CPPED1: variants seen among roughly 807,000 people sequenced by gnomAD.
CPPED1 encodes the protein calcineurin like phosphoesterase domain containing 1, also known as serine/threonine-protein phosphatase CPPED1.
A neutral mutation model predicts 28.0 loss-of-function variants in CPPED1; 28 were observed. That is an observed-to-expected ratio of 1.00 (90% CI 0.74 to 1.37). The LOEUF (loss-of-function observed/expected upper bound fraction) is 1.37, where lower values mean the gene tolerates loss of function less well. Among genes scored for constraint, CPPED1 ranks in the 40% most tolerant of loss-of-function variants. The pLI is 0.00. For synonymous variants in CPPED1, 198 were observed against 180.2 expected (o/e 1.10, Z -0.79); for missense variants, 504 against 416.5 (o/e 1.21, Z -1.83).
chr16:12,785,426 C>CT (rs796796663), intron 1 of CPPED1, among the ~76,000 whole-genome samples: 6,148 of 124,688 alleles, frequency 0.049, 420 homozygotes, highest in African/African-American at 0.15. Context: ...AACGTGAATT[C>CT]TTTTTTTTTT....
At chr16:12,708,323 T>C (rs2080062417) in intron 2 of CPPED1, among the ~76,000 whole-genome samples, 1 of 152,134 alleles carries the variant, frequency 6.6e-6, no homozygotes. Context: ...GGTAAGTCCC[T>C]TGGTTCCTCT....
chr16:12,803,866 T>G lies in CPPED1; in HGVS notation c.-90A>C, dbSNP rs2080677503. On this transcript the variant is annotated 5_prime_UTR_variant, in exon 1 of 4. Transcript: ENST00000381774. ...GAACAACCGCTGGACCTGTCCCGCTTTGGGCGACGCCCTTTGATCTCGGGG... is the reference window on the plus strand; with the variant it reads ...GAACAACCGCTGGACCTGTCCCGCTGTGGGCGACGCCCTTTGATCTCGGGG... 1.3e-5 allele frequency: 17 copies of G among 1,274,104 alleles called. No individual in the cohort carries two copies. In the South Asian group the frequency reaches 2.2e-4, roughly 16 times the overall value. The allele number at this position is 1,274,104 out of a possible 1,614,324, so 78.9% of individuals were successfully genotyped here. A position where few individuals can be genotyped will look rare whatever the true frequency, so the allele number is the denominator to read the frequency against.
At chr16:12,793,037 A>G (rs2080606082) in intron 1 of CPPED1, among the ~76,000 whole-genome samples, 1 of 152,144 alleles carries the variant, frequency 6.6e-6, no homozygotes, top group Non-Finnish European at 1.5e-5. Flanking sequence ...CCCTGTAGGC[A>G]GATGCAGCTT....
intron 3 of CPPED1, among the ~76,000 whole-genome samples, chr16:12,687,969 G>A (rs2079941831): frequency 6.6e-6 from 1 of 151,130 alleles, no homozygotes; most frequent in Non-Finnish European, 1.5e-5. Context: ...GGAAGAAGAA[G>A]GAGGAATGGA....
intron 1 of CPPED1, among the ~76,000 whole-genome samples, chr16:12,790,560 A>G (rs1233033764): frequency 6.6e-6 from 1 of 152,212 alleles, no homozygotes; most frequent in Non-Finnish European, 1.5e-5. Context: ...TGTTACTTGT[A>G]TGCAACCTCA....
intron 2 of CPPED1, chr16:12,757,703 A>T (rs1234604751): frequency 1.4e-5 from 2 of 141,450 alleles, no homozygotes; most frequent in Admixed American, 1.6e-4. Context: ...CATGCCTTTC[A>T]GACAATCTGC....
chr16:12,730,980 A>G (rs1038363739), intron 2 of CPPED1, among the ~76,000 whole-genome samples: 1 of 152,226 alleles, frequency 6.6e-6, no homozygotes, highest in East Asian at 1.9e-4. Flanking sequence ...TTGAAACTGC[A>G]TGAAGCTTGA....
chr16:12,686,637 G>A (rs1040081343), intron 3 of CPPED1, among the ~76,000 whole-genome samples: 1 of 152,216 alleles, frequency 6.6e-6, no homozygotes, highest in Non-Finnish European at 1.5e-5. Flanking sequence ...CATCAGAGAG[G>A]GGAGGATGCT....
intron 3 of CPPED1, among the ~76,000 whole-genome samples, chr16:12,702,509 G>A (rs987107180): frequency 2.0e-5 from 3 of 152,136 alleles, no homozygotes; most frequent in African/African-American, 7.2e-5. Context: ...CTGCACGCCA[G>A]CCTGGGTGAC....
intron 3 of CPPED1, among the ~76,000 whole-genome samples, chr16:12,695,174 T>G (rs543896529): frequency 6.3e-4 from 96 of 152,370 alleles, no homozygotes; most frequent in African/African-American, 2.2e-3. Context: ...ACTATGAAAT[T>G]ATACATTCAA....
intron 2 of CPPED1, chr16:12,753,465 A>G (rs1305486769): frequency 6.6e-6 from 1 of 152,380 alleles, no homozygotes; most frequent in African/African-American, 2.4e-5. Context: ...GCAGCAGCAG[A>G]GAACAGAAGG....
At chr16:12,739,677 C>T (rs2080244250) in intron 2 of CPPED1, among the ~76,000 whole-genome samples, 1 of 152,160 alleles carries the variant, frequency 6.6e-6, no homozygotes, top group Non-Finnish European at 1.5e-5. Context: ...CCTCCTTTTT[C>T]TCCCATTTTT....
At chr16:12,743,360 A>C (rs1024250421) in intron 2 of CPPED1, among the ~76,000 whole-genome samples, 5 of 152,208 alleles carry the variant, frequency 3.3e-5, no homozygotes, top group African/African-American at 1.2e-4. Flanking sequence ...TTAAATATAA[A>C]ACACCTTTTC....
chr16:12,708,946 G>A (rs2080065653), intron 2 of CPPED1, among the ~76,000 whole-genome samples: 1 of 152,206 alleles, frequency 6.6e-6, no homozygotes, highest in African/African-American at 2.4e-5. Context: ...TGGGCATGGT[G>A]GCATGGGCCT....
At chr16:12,775,737 A>C (rs1287925431) in intron 2 of CPPED1, among the ~76,000 whole-genome samples, 1 of 152,204 alleles carries the variant, frequency 6.6e-6, no homozygotes, top group Non-Finnish European at 1.5e-5. Flanking sequence ...GAAGCGCACA[A>C]GGTTTGGAAA....
At chr16:12,737,834 T>C (rs1366500488) in intron 2 of CPPED1, among the ~76,000 whole-genome samples, 1 of 152,020 alleles carries the variant, frequency 6.6e-6, no homozygotes, top group Non-Finnish European at 1.5e-5. Flanking sequence ...TGAGCAATTT[T>C]CTCTCTCTCT....
chr16:12,755,660 C>T (rs867657132), intron 2 of CPPED1, among the ~76,000 whole-genome samples: 1 of 152,148 alleles, frequency 6.6e-6, no homozygotes, highest in African/African-American at 2.4e-5. Context: ...TTCCAGAAGG[C>T]TAATACGCAT....
At chr16:12,742,689 A>G (rs2080262701) in intron 2 of CPPED1, among the ~76,000 whole-genome samples, 1 of 152,204 alleles carries the variant, frequency 6.6e-6, no homozygotes, top group South Asian at 2.1e-4. Context: ...GTAGTTCAGA[A>G]CATTGCCCAA....
chr16:12,780,202 T>C (rs1412400660), intron 2 of CPPED1, among the ~76,000 whole-genome samples: 3 of 151,890 alleles, frequency 2.0e-5, no homozygotes, highest in African/African-American at 2.4e-5. Context: ...TTTTTTGAGA[T>C]GGAGTCTCAC....
Sources: gnomAD v4.1 joint callset for allele counts (sites outside exome capture counted in the v4.1 genomes callset) on GRCh38, gnomAD v4.1.1 for gene constraint, MANE v1.5 for transcripts, NCBI Gene and HGNC (gene_info 2026-07-23, HGNC 2026-07-21) for gene names.